Variants in SNX8 observed in about 807,000 individuals in gnomAD.
SNX8 encodes the protein sorting nexin 8.
A neutral mutation model predicts 51.6 loss-of-function variants in SNX8; 25 were observed. That is an observed-to-expected ratio of 0.48 (90% CI 0.35 to 0.68). The LOEUF (loss-of-function observed/expected upper bound fraction) is 0.68. Among genes scored for constraint, SNX8 ranks in the 30% least tolerant of loss-of-function variants. The pLI, the probability that SNX8 is intolerant of heterozygous loss-of-function variation, is 0.00. For missense variants in SNX8, 695 were observed against 624.0 expected, an observed-to-expected ratio of 1.11 and a Z score of -1.21; for synonymous variants, 324 against 277.0, an observed-to-expected ratio of 1.17 and a Z score of -1.68.
chr7:2,298,175 C>G (rs1796314041), intron 1 of SNX8, among the ~76,000 whole-genome samples: 1 of 152,000 alleles, frequency 6.6e-6, no homozygotes. Flanking sequence ...GTAGTGCGAT[C>G]ACAGCTCGCA....
At chr7:2,303,743 A>T (rs1796473107) in intron 1 of SNX8, among the ~76,000 whole-genome samples, 1 of 152,032 alleles carries the variant, frequency 6.6e-6, no homozygotes, top group African/African-American at 2.4e-5. Context: ...TGTTAAACAG[A>T]TCCTGAAGGC....
chr7:2,337,896 A>G (rs1166770002), intron 1 of SNX8, among the ~76,000 whole-genome samples: 4 of 151,714 alleles, frequency 2.6e-5, no homozygotes, highest in African/African-American at 7.2e-5. Context: ...AGCAACCATT[A>G]TATCAAAAGC....
At chr7:2,308,692 C>A (rs1796600459) in intron 1 of SNX8, among the ~76,000 whole-genome samples, 1 of 141,712 alleles carries the variant, frequency 7.1e-6, no homozygotes, top group African/African-American at 2.6e-5. Flanking sequence ...AAAAAAGGGT[C>A]ATGGAAGGGA....
At chr7:2,345,708 A>G (rs1032751559) in intron 1 of SNX8, among the ~76,000 whole-genome samples, 1 of 152,174 alleles carries the variant, frequency 6.6e-6, no homozygotes, top group East Asian at 1.9e-4. Flanking sequence ...AGAAATGTGA[A>G]TAAGGTTGGT....
intron 10 of SNX8, among the ~76,000 whole-genome samples, chr7:2,255,651 G>A (rs1363617577): frequency 6.6e-6 from 1 of 152,212 alleles, no homozygotes; most frequent in Non-Finnish European, 1.5e-5. Context: ...AGGCTGCAGT[G>A]AGCTGTGATT....
intron 1 of SNX8, among the ~76,000 whole-genome samples, chr7:2,338,572 C>G (rs886519634): frequency 6.6e-6 from 1 of 151,646 alleles, no homozygotes; most frequent in Non-Finnish European, 1.5e-5. Flanking sequence ...AGGCTGAGGT[C>G]GCAGTGACCC....
chr7:2,330,607 T>C (rs1583117049), intron 1 of SNX8, among the ~76,000 whole-genome samples: 1 of 152,048 alleles, frequency 6.6e-6, no homozygotes, highest in South Asian at 2.1e-4. Context: ...TCTGGGGGGA[T>C]AGGTAGTCTT....
At chr7:2,255,711 C>T (rs1266036086) in intron 10 of SNX8, among the ~76,000 whole-genome samples, 1 of 152,208 alleles carries the variant, frequency 6.6e-6, no homozygotes, top group Non-Finnish European at 1.5e-5. Context: ...CACCTCAAAA[C>T]CAAAAAGCAA....
chr7:2,261,649 G>A (rs1190824720), intron 7 of SNX8, among the ~76,000 whole-genome samples: 1 of 152,156 alleles, frequency 6.6e-6, no homozygotes, highest in African/African-American at 2.4e-5. Context: ...GGGGGAGTGG[G>A]CACACAGACC....
At chr7:2,327,972 C>T (rs1778656554) in intron 1 of SNX8, among the ~76,000 whole-genome samples, 1 of 152,160 alleles carries the variant, frequency 6.6e-6, no homozygotes, top group African/African-American at 2.4e-5. Context: ...CTCAACGGAC[C>T]CTCCTGTCCC....
chr7:2,302,982 C>T (rs1796439434), intron 1 of SNX8, among the ~76,000 whole-genome samples: 1 of 151,924 alleles, frequency 6.6e-6, no homozygotes, highest in Non-Finnish European at 1.5e-5. Context: ...GCGTCTCCGC[C>T]CGGCAGCCAC....
chr7:2,325,739 T>A (rs956002836), intron 1 of SNX8, among the ~76,000 whole-genome samples: 1 of 152,072 alleles, frequency 6.6e-6, no homozygotes, highest in Non-Finnish European at 1.5e-5. Context: ...AGCTGAGGCA[T>A]GAGAATTGCT....
chr7:2,266,379 C>G (rs1337374582), intron 5 of SNX8, among the ~76,000 whole-genome samples: 3 of 150,484 alleles, frequency 2.0e-5, no homozygotes, highest in Non-Finnish European at 4.4e-5. Context: ...TTGATGGTGT[C>G]TCTGTCGTCC....
intron 3 of SNX8, among the ~76,000 whole-genome samples, chr7:2,274,076 C>A (rs544957701): frequency 9.2e-5 from 14 of 152,366 alleles, no homozygotes; most frequent in Non-Finnish European, 1.3e-4. Context: ...CCAGCCAGCG[C>A]TCATCAACTC....
intron 1 of SNX8, among the ~76,000 whole-genome samples, chr7:2,353,746 C>T (rs6944584): frequency 0.71 from 108,083 of 151,860 alleles, 39,670 homozygotes; most frequent in East Asian, 0.85. Context: ...TGGGTACCAC[C>T]TGTTTTATTT....
intron 1 of SNX8, among the ~76,000 whole-genome samples, chr7:2,330,138 CTTT>C (rs71023396): frequency 2.3e-4 from 25 of 107,046 alleles, no homozygotes; most frequent in East Asian, 2.9e-4. Context: ...GCCCTTTTTT[CTTT>C]TTTTTTTTTT....
intron 2 of SNX8, among the ~76,000 whole-genome samples, chr7:2,276,929 A>G (rs1795794051): frequency 6.6e-6 from 1 of 152,226 alleles, no homozygotes. Flanking sequence ...TGGTTGACAG[A>G]GCAATACCCT....
At chr7:2,262,892 C>T (rs36026497) in intron 7 of SNX8, among the ~76,000 whole-genome samples, 20,447 of 152,190 alleles carry the variant, frequency 0.13, 1,886 homozygotes, top group Middle Eastern at 0.19. Flanking sequence ...CCGAGGCGGG[C>T]AGGTCACCTA....
Position 2,264,351 on chromosome 7 carries a change from T to C in SNX8, c.729A>G (p.Ala243=), listed in dbSNP as rs2286206. The C allele has an allele frequency of 0.94, 1,517,905 of 1,612,744 alleles. 716,873 individuals carry two copies. Among genetic ancestry groups the C allele is most frequent in the Non-Finnish European group, 0.97 (1,140,071 of 1,179,840 alleles). The stretch of plus-strand genomic sequence containing the variant: ...CTGCCGCATTGTCGATGGCCCGCGA[T>C]GCGATCCGCTCGGCCCTGTCGCGAA... ...HKLRDRAERI[A]SRAIDNAADL... Residue 243 remains alanine, a synonymous_variant, in exon 6 of 11, where the codon GCA becomes GCG. Coordinates refer to ENST00000222990, the MANE Select transcript of SNX8 (RefSeq NM_013321.4).
Sources: gnomAD v4.1 joint callset for allele counts (sites outside exome capture counted in the v4.1 genomes callset) on GRCh38, gnomAD v4.1.1 for gene constraint, MANE v1.5 for transcripts, NCBI Gene and HGNC (gene_info 2026-07-23, HGNC 2026-07-21) for gene names.